The following MYO3A variants were observed in gnomAD, a reference collection of about 807,000 sequenced individuals.
MYO3A encodes the protein myosin-IIIa.
In MYO3A, 180 loss-of-function variants were observed where a neutral mutation model predicts 192.7. The ratio of observed to expected loss-of-function variants is 0.93; its 90% CI spans 0.83 to 1.06. The LOEUF (loss-of-function observed/expected upper bound fraction) is 1.06. MYO3A is among the 50% of genes least tolerant of loss of function. The probability of loss-of-function intolerance (pLI) is 0.00; values close to 1 mark genes in which losing one functional copy is unlikely to be tolerated. For synonymous variants in MYO3A, 628 were observed against 645.3 expected (o/e 0.97, Z 0.41); for missense variants, 1,896 against 1,905.0 (o/e 1.00, Z 0.09).
intron 23 of MYO3A, among the ~76,000 whole-genome samples, chr10:26,153,068 A>C (rs2131903618): frequency 6.6e-6 from 1 of 152,346 alleles, no homozygotes; most frequent in South Asian, 2.1e-4. Context: ...CATTACTATT[A>C]GGATAATAAA....
chr10:26,140,903 T>G (rs1183040628), intron 20 of MYO3A, among the ~76,000 whole-genome samples: 2 of 152,132 alleles, frequency 1.3e-5, no homozygotes, highest in African/African-American at 4.8e-5. Context: ...CCTTATGCTT[T>G]AAATGTATAT....
Position 26,088,369 on chromosome 10 carries a change from A to G in MYO3A, c.1526A>G (p.Tyr509Cys). The G allele has an allele frequency of 6.2e-7, 1 of 1,613,970 alleles. No homozygotes were observed. Among genetic ancestry groups the G allele is most frequent in the Non-Finnish European group, 8.5e-7 (1 of 1,179,924 alleles). ...GTAGTGGGAGCACAGATTTCTGAATATCTCCTGGAAAAATCCCGAGTTATC... is the reference window on the plus strand; with the variant it reads ...GTAGTGGGAGCACAGATTTCTGAATGTCTCCTGGAAAAATCCCGAGTTATC... The part of the protein sequence containing the change: ...GAVVGAQISE[Y>C]LLEKSRVIHQ... The change falls in exon 15 of 35, where the codon TAT (tyrosine) becomes TGT (cysteine). Residue 509 changes from tyrosine (Y) to cysteine (C), a missense_variant. By Grantham distance (194) the Tyr-to-Cys change is radical. Transcript: ENST00000642920.
At chr10:25,973,971 C>T (rs924082915) in intron 4 of MYO3A, among the ~76,000 whole-genome samples, 4 of 152,196 alleles carry the variant, frequency 2.6e-5, no homozygotes, top group African/African-American at 9.6e-5. Flanking sequence ...AATGTAAAAC[C>T]AAAAACCGTA....
intron 10 of MYO3A, among the ~76,000 whole-genome samples, chr10:26,060,324 C>T (rs542254316): frequency 1.3e-5 from 2 of 151,722 alleles, no homozygotes; most frequent in African/African-American, 4.8e-5. Flanking sequence ...AAAAATTAGC[C>T]TGGCATGGTG....
At chr10:26,135,551 C>G (rs1309426669) in intron 20 of MYO3A, among the ~76,000 whole-genome samples, 1 of 151,996 alleles carries the variant, frequency 6.6e-6, no homozygotes, top group Non-Finnish European at 1.5e-5. Flanking sequence ...CTGGAGACCC[C>G]TCACAGGAAG....
chr10:26,181,539 C>A (rs200394478), intron 31 of MYO3A, among the ~76,000 whole-genome samples: 148 of 151,456 alleles, frequency 9.8e-4, no homozygotes, highest in African/African-American at 2.3e-3. Flanking sequence ...AAAAATGGCA[C>A]AAGCCATTAA....
At chr10:26,046,556 G>A (rs529300880) in intron 10 of MYO3A, among the ~76,000 whole-genome samples, 27 of 152,276 alleles carry the variant, frequency 1.8e-4, no homozygotes, top group Admixed American at 4.6e-4. Context: ...ACGTGGACAC[G>A]TGGATCAGGA....
At chr10:26,092,000 T>C (rs1268315586) in intron 15 of MYO3A, among the ~76,000 whole-genome samples, 1 of 152,176 alleles carries the variant, frequency 6.6e-6, no homozygotes, top group Non-Finnish European at 1.5e-5. Context: ...TGGTTTCTAG[T>C]CTCTCATGAA....
intron 15 of MYO3A, among the ~76,000 whole-genome samples, chr10:26,091,523 C>T (rs1295497215): frequency 2.6e-5 from 4 of 152,130 alleles, no homozygotes; most frequent in African/African-American, 9.7e-5. Flanking sequence ...GTTCAGCAAG[C>T]ATTGATTGCA....
At chr10:26,117,101 C>T (rs1044020514) in intron 17 of MYO3A, among the ~76,000 whole-genome samples, 1 of 152,156 alleles carries the variant, frequency 6.6e-6, no homozygotes, top group Admixed American at 6.5e-5. Flanking sequence ...ACTCAATTTT[C>T]ATTATAACCT....
chr10:26,063,918 A>G (rs951006155), intron 10 of MYO3A, among the ~76,000 whole-genome samples: 21 of 152,340 alleles, frequency 1.4e-4, no homozygotes, highest in African/African-American at 4.3e-4. Context: ...TCCTATAATT[A>G]GTCATTGAAC....
chr10:26,011,135 A>G (rs545522059), intron 6 of MYO3A, among the ~76,000 whole-genome samples: 37 of 152,212 alleles, frequency 2.4e-4, no homozygotes, highest in African/African-American at 8.7e-4. Context: ...CATATTAAAG[A>G]TGATTATTCC....
intron 31 of MYO3A, among the ~76,000 whole-genome samples, chr10:26,185,775 T>G (rs555737940): frequency 1.4e-4 from 22 of 152,286 alleles, no homozygotes; most frequent in Non-Finnish European, 2.9e-4. Flanking sequence ...AAAATGTAAT[T>G]TTTCATATTT....
chr10:26,084,255 A>G (rs1190394675), intron 14 of MYO3A, among the ~76,000 whole-genome samples: 1 of 152,214 alleles, frequency 6.6e-6, no homozygotes. Flanking sequence ...TTTGATTTGC[A>G]TATGTTAAGC....
intron 34 of MYO3A, among the ~76,000 whole-genome samples, chr10:26,203,612 G>A (rs1284241618): frequency 6.6e-6 from 1 of 152,134 alleles, no homozygotes; most frequent in Non-Finnish European, 1.5e-5. Context: ...CTGACATTAA[G>A]TAAATTATTT....
chr10:26,153,878 T>C lies in MYO3A; in HGVS notation c.2664T>C (p.Asn888=), dbSNP rs558706742. 1 of 1,591,126 alleles carries C rather than the reference T, an allele frequency of 6.3e-7. No homozygotes were observed. The highest frequency in any genetic ancestry group is 1.3e-5 in the African/African-American group (1 of 74,486). The change falls in exon 24 of 35, where the codon AAT becomes AAC. Residue 888 remains asparagine (N), a synonymous_variant. Coordinates refer to ENST00000642920, the MANE Select transcript of MYO3A (RefSeq NM_017433.5). ...ATCTGCCACATTCTAAAACTAAAAATGTTATAAACTATCAAATGAGGACTT... is the reference window on the plus strand; with the variant it reads ...ATCTGCCACATTCTAAAACTAAAAACGTTATAAACTATCAAATGAGGACTT... ...TGNLPHSKTK[N]VINYQMRTSE... is the part of the protein sequence containing the mutation.
At chr10:26,115,653 T>TAAACA (rs1264482413) in intron 17 of MYO3A, among the ~76,000 whole-genome samples, 1 of 152,200 alleles carries the variant, frequency 6.6e-6, no homozygotes, top group Non-Finnish European at 1.5e-5. Context: ...TAAACAAACA[T>TAAACA]AACTAAATTC....
At chr10:26,160,370 A>G (rs765816749) in intron 26 of MYO3A, among the ~76,000 whole-genome samples, 63 of 152,238 alleles carry the variant, frequency 4.1e-4, no homozygotes, top group Non-Finnish European at 6.9e-4. Context: ...ATCTCCAGGA[A>G]GGCTGATGAG....
At chr10:26,144,901 T>G (rs1169553766) in intron 21 of MYO3A, among the ~76,000 whole-genome samples, 1 of 152,118 alleles carries the variant, frequency 6.6e-6, no homozygotes, top group Non-Finnish European at 1.5e-5. Context: ...CTCAGCCAGG[T>G]GCAGTGGCCC....
Sources: gnomAD v4.1 joint callset for allele counts (sites outside exome capture counted in the v4.1 genomes callset) on GRCh38, gnomAD v4.1.1 for gene constraint, MANE v1.5 for transcripts, NCBI Gene and HGNC (gene_info 2026-07-23, HGNC 2026-07-21) for gene names.